The following ABCC4 variants were observed in gnomAD, a reference collection of about 807,000 sequenced individuals.
The protein encoded by ABCC4 is ATP binding cassette subfamily C member 4 (PEL blood group).
ABCC4 carries 102 observed loss-of-function variants against 168.5 expected under a neutral mutation model. The observed-to-expected ratio is 0.61, with a 90% CI of 0.52 to 0.71. The LOEUF is 0.71. Among genes scored for constraint, ABCC4 ranks in the 30% least tolerant of loss-of-function variants. ABCC4 has a pLI of 0.00. For missense variants in ABCC4, 1,402 were observed against 1,605.8 expected (o/e 0.87, Z 2.17); for synonymous variants, 617 against 590.7 (o/e 1.04, Z -0.65).
In ABCC4 at chr13:95,083,154, C is replaced by G. The variant is rs781305510; in HGVS notation, c.2672G>C (p.Arg891Pro). ...YFLETSRDVKRLESTTRSPVF... is the reference protein window; with the variant it reads ...YFLETSRDVKPLESTTRSPVF... ...TCCATACTCACTTGTAGATTCCAGG[C>G]GCTTCACATCTCTTGACGTTTCCAA... Residue 891 changes from arginine (R) to proline (P), a missense_variant, in exon 21 of 31, where the codon CGC becomes CCC. Transcript: ENST00000645237. The G allele has an allele frequency of 6.2e-7, 1 of 1,613,686 alleles. No individual in the cohort carries two copies. Among genetic ancestry groups the G allele is most frequent in the Non-Finnish European group, 8.5e-7 (1 of 1,179,870 alleles).
intron 9 of ABCC4, among the ~76,000 whole-genome samples, chr13:95,193,724 C>T (rs937747269): frequency 6.6e-6 from 1 of 152,202 alleles, no homozygotes; most frequent in Non-Finnish European, 1.5e-5. Flanking sequence ...CCATGGATCC[C>T]AGGTTGCAAG....
intron 4 of ABCC4, among the ~76,000 whole-genome samples, chr13:95,214,657 G>A (rs994251114): frequency 3.9e-5 from 6 of 151,952 alleles, no homozygotes; most frequent in Non-Finnish European, 5.9e-5. Flanking sequence ...TGGTTGAGGC[G>A]GGCAGATCAC....
At position 95,170,632 on chromosome 13, in the gene ABCC4, T is replaced by C. The variant is rs1292201792; in HGVS notation, c.1728-4A>G. 5.6e-6 allele frequency: 9 copies of C among 1,595,938 alleles called. No homozygotes were observed. The highest frequency in any genetic ancestry group is 1.3e-5 in the African/African-American group (1 of 74,544). On this transcript the variant is annotated splice_polypyrimidine_tract_variant and splice_region_variant and intron_variant, in intron 13 of 30. Transcript: ENST00000645237. Reference sequence around the variant, plus strand: ...ATGCAAAATTTGACAAATACACCTATAAATGTAAAAGGCACAGGGTGAAAA... The same window carrying C: ...ATGCAAAATTTGACAAATACACCTACAAATGTAAAAGGCACAGGGTGAAAA...
intron 19 of ABCC4, among the ~76,000 whole-genome samples, chr13:95,160,406 C>T (rs1023042614): frequency 1.3e-5 from 2 of 152,156 alleles, no homozygotes; most frequent in Admixed American, 1.3e-4. Context: ...AACTAATTCT[C>T]CCTAGGAACC....
At chr13:95,102,769 C>T (rs1245285673) in intron 20 of ABCC4, among the ~76,000 whole-genome samples, 3 of 151,270 alleles carry the variant, frequency 2.0e-5, no homozygotes, top group Non-Finnish European at 4.4e-5. Context: ...TACAAGGGCC[C>T]GCCACCACGC....
In ABCC4 at chr13:95,235,352, C is replaced by T. The variant is rs180967219; in HGVS notation, c.307-518G>A. Among the ~76,000 whole-genome samples the T allele has an allele frequency of 2.6e-5, 4 of 152,274 alleles. No individual in the cohort carries two copies. In the East Asian group the frequency reaches 7.7e-4, roughly 29 times the overall value. The stretch of plus-strand genomic sequence containing the variant: ...GTCAATAAAGTTTTAGTACATTGTG[C>T]TTGGTACACTGTGGGTGCTCTGTAT... On this transcript the variant is annotated intron_variant, in intron 3 of 30. Transcript: ENST00000645237.
chr13:95,293,784 CT>C (rs35106299), intron 1 of ABCC4, among the ~76,000 whole-genome samples: 124 of 138,596 alleles, frequency 8.9e-4, no homozygotes, highest in Admixed American at 1.0e-3. Context: ...TTTTCTTTTG[CT>C]TTTTTTTTTT....
rs147656785 is a variant in ABCC4, at chr13:95,058,069, C to T, written c.3366+4635G>A. Among the ~76,000 whole-genome samples the T allele has an allele frequency of 2.3e-3, 357 of 152,208 alleles. 3 individuals are homozygous for T. The South Asian group carries it at 0.026, about 11-fold the overall frequency. On this transcript the variant is annotated intron_variant, in intron 26 of 30. Coordinates refer to ENST00000645237, the MANE Select transcript of ABCC4 (RefSeq NM_005845.5). ...GGATCTTCTGACGCTCACTAGCCCA[C>T]GACACATAAGTGAATACACTCTGTT... is the stretch of plus-strand genomic sequence containing the variant.
intron 14 of ABCC4, among the ~76,000 whole-genome samples, chr13:95,169,570 C>T (rs1157702235): frequency 6.6e-6 from 1 of 152,178 alleles, no homozygotes; most frequent in Non-Finnish European, 1.5e-5. Flanking sequence ...GCCTCAGATG[C>T]CCTCCCCAGG....
chr13:95,069,884 C>T (rs952020942), intron 25 of ABCC4, among the ~76,000 whole-genome samples: 2 of 152,196 alleles, frequency 1.3e-5, no homozygotes, highest in Non-Finnish European at 2.9e-5. Flanking sequence ...ACTTGGGCTG[C>T]TTCCACCTAC....
At chr13:95,141,637 A>T (rs2036322409) in intron 19 of ABCC4, among the ~76,000 whole-genome samples, 1 of 152,208 alleles carries the variant, frequency 6.6e-6, no homozygotes, top group Non-Finnish European at 1.5e-5. Flanking sequence ...AGTGAGACTG[A>T]GGGGAAATGG....
chr13:95,063,576 G>A (rs1374296091), intron 25 of ABCC4, among the ~76,000 whole-genome samples: 1 of 152,176 alleles, frequency 6.6e-6, no homozygotes, highest in Non-Finnish European at 1.5e-5. Flanking sequence ...AGTAACATTT[G>A]CTATTTACGT....
intron 1 of ABCC4, among the ~76,000 whole-genome samples, chr13:95,299,873 A>T (rs912369592): frequency 6.6e-6 from 1 of 151,952 alleles, no homozygotes; most frequent in African/African-American, 2.4e-5. Context: ...ACGGAGTCTC[A>T]CTCTGTCACC....
chr13:95,155,239 A>G (rs1359661172), intron 19 of ABCC4, among the ~76,000 whole-genome samples: 2 of 150,378 alleles, frequency 1.3e-5, no homozygotes, highest in Admixed American at 1.3e-4. Flanking sequence ...GACAGGTTGG[A>G]GTGCAGTGAT....
intron 8 of ABCC4, among the ~76,000 whole-genome samples, chr13:95,204,161 G>C (rs1348016272): frequency 1.3e-5 from 2 of 152,178 alleles, no homozygotes; most frequent in African/African-American, 4.8e-5. Context: ...TGGGAACAGA[G>C]ACGAGTCATG....
At chr13:95,284,566 A>G (rs2041212851) in intron 1 of ABCC4, among the ~76,000 whole-genome samples, 1 of 152,214 alleles carries the variant, frequency 6.6e-6, no homozygotes, top group Non-Finnish European at 1.5e-5. Context: ...CAGGGAACTG[A>G]CAGTGTCTAG....
chr13:95,299,814 T>C (rs1267016830), intron 1 of ABCC4, among the ~76,000 whole-genome samples: 1 of 151,972 alleles, frequency 6.6e-6, no homozygotes, highest in East Asian at 1.9e-4. Flanking sequence ...TTCAGGCTTA[T>C]GTAGTTAGCA....
chr13:95,132,184 A>T (rs1157648910), intron 19 of ABCC4, among the ~76,000 whole-genome samples: 1 of 152,162 alleles, frequency 6.6e-6, no homozygotes. Context: ...TTTGCATATA[A>T]CATACAGACA....
At chr13:95,188,193 T>C (rs971450707) in intron 10 of ABCC4, among the ~76,000 whole-genome samples, 1 of 152,192 alleles carries the variant, frequency 6.6e-6, no homozygotes, top group African/African-American at 2.4e-5. Context: ...GTCACATAAA[T>C]AATTTCTTTC....
Sources: allele counts gnomAD v4.1 joint callset (sites outside exome capture counted in the v4.1 genomes callset), GRCh38; gene constraint gnomAD v4.1.1; transcripts MANE v1.5; gene names NCBI Gene and HGNC (gene_info 2026-07-23, HGNC 2026-07-21).